Variants in TRPM8 observed in about 807,000 individuals in gnomAD.
TRPM8 encodes transient receptor potential cation channel subfamily M member 8.
In TRPM8, 110 loss-of-function variants were observed where a neutral mutation model predicts 133.7. That is an observed-to-expected ratio of 0.82 (90% CI 0.70 to 0.96). TRPM8 has a LOEUF of 0.96. Ranked by LOEUF, TRPM8 falls within the 40% of genes least tolerant of loss-of-function variation. TRPM8 has a pLI of 0.00. For synonymous variants in TRPM8, 535 were observed against 532.3 expected (o/e 1.01, Z -0.07); for missense variants, 1,291 against 1,379.5 (o/e 0.94, Z 1.02).
Position 233,966,772 on chromosome 2 carries a change from C to T in TRPM8, c.2025+17C>T. 2.6e-6 allele frequency: 4 copies of T among 1,515,712 alleles called. No homozygotes were observed. The highest frequency in any genetic ancestry group is 3.5e-6 in the Non-Finnish European group (4 of 1,127,652). The allele number at this position is 1,515,712 out of a possible 1,614,324, so 93.9% of individuals were successfully genotyped here. A position where few individuals can be genotyped will look rare whatever the true frequency, so the allele number is the denominator to read the frequency against. On this transcript the variant is annotated intron_variant, in intron 15 of 25. Transcript: ENST00000324695. ...GGGGTCCAGGTAAACCATACTCAGC[C>T]ACCAGACCACACGGCCAGAAATGGG...
At position 233,969,677 on chromosome 2, in the gene TRPM8, G is replaced by T. The variant is rs200455095; in HGVS notation, c.2026-18G>T. 208 of 1,504,764 alleles carry T rather than the reference G, an allele frequency of 1.4e-4. No homozygotes were observed. In the South Asian group the frequency reaches 2.2e-3, roughly 16 times the overall value. The allele number at this position is 1,504,764 out of a possible 1,614,324, so 93.2% of individuals were successfully genotyped here. A position where few individuals can be genotyped will look rare whatever the true frequency, so the allele number is the denominator to read the frequency against. ...TGTGTTAATAAGGACCTTGTTCTCTGTCTTTGTTTCCCTGTAGAATTTTCT... is the reference window on the plus strand; with the variant it reads ...TGTGTTAATAAGGACCTTGTTCTCTTTCTTTGTTTCCCTGTAGAATTTTCT... On this transcript the variant is annotated intron_variant, in intron 15 of 25. Transcript: ENST00000324695.
intron 1 of TRPM8, among the ~76,000 whole-genome samples, chr2:233,919,472 T>C (rs1348581300): frequency 6.6e-6 from 1 of 152,104 alleles, no homozygotes; most frequent in East Asian, 1.9e-4. Context: ...CCAGCCTGCT[T>C]GATTTTGAAT....
chr2:233,972,635 G>T (rs986978997), intron 17 of TRPM8, among the ~76,000 whole-genome samples: 6 of 152,236 alleles, frequency 3.9e-5, no homozygotes, highest in Non-Finnish European at 5.9e-5. Context: ...GCTACGGCCC[G>T]GTGAGAAATT....
chr2:233,976,825 T>C (rs147041242), intron 17 of TRPM8, among the ~76,000 whole-genome samples: 1 of 152,222 alleles, frequency 6.6e-6, no homozygotes, highest in African/African-American at 2.4e-5. Context: ...CTGTAGAACA[T>C]AGCCATGGAG....
chr2:233,994,729 A>G (rs982276450), intron 21 of TRPM8, among the ~76,000 whole-genome samples: 3 of 152,186 alleles, frequency 2.0e-5, no homozygotes, highest in Non-Finnish European at 4.4e-5. Flanking sequence ...AATGTAATGT[A>G]CTAAGGTGCA....
intron 22 of TRPM8, 139 bp downstream of exon 22, chr2:233,996,655 C>A (rs1258009000): frequency 3.0e-5 from 24 of 799,712 alleles, no homozygotes; most frequent in Non-Finnish European, 4.7e-5. Context: ...AAAGATCAGG[C>A]CTCAGGCCAA....
chr2:234,014,895 G>T (rs905723222), intron 25 of TRPM8, among the ~76,000 whole-genome samples: 2 of 152,124 alleles, frequency 1.3e-5, no homozygotes, highest in African/African-American at 4.8e-5. Flanking sequence ...TACGAGCAGG[G>T]TGTAAGTATC....
chr2:234,011,769 T>C (rs1439927952), intron 24 of TRPM8, among the ~76,000 whole-genome samples: 1 of 151,902 alleles, frequency 6.6e-6, no homozygotes, highest in African/African-American at 2.4e-5. Flanking sequence ...ACAGAAAAAT[T>C]AGCCGGGTGT....
chr2:233,955,984 C>A (rs1056756849), intron 11 of TRPM8, among the ~76,000 whole-genome samples: 7 of 152,168 alleles, frequency 4.6e-5, no homozygotes, highest in African/African-American at 1.7e-4. Flanking sequence ...GAACCTAATG[C>A]CTGATGATCT....
At chr2:233,983,906 T>G (rs183570194) in intron 20 of TRPM8, among the ~76,000 whole-genome samples, 6 of 152,302 alleles carry the variant, frequency 3.9e-5, no homozygotes, top group Non-Finnish European at 4.4e-5. Flanking sequence ...TTCTCTGTTA[T>G]CCTCCTGGCC....
In TRPM8 at chr2:233,959,324, C is replaced by CTTT. The variant is rs1375355369; in HGVS notation, c.1363-1452_1363-1451insTTT. ...TACAGGTGTGAGCCACCTCGCCCAG[C>CTTT]CTTTTTTTTTTTTTTTTTTTGAGAT... On this transcript the variant is annotated intron_variant, in intron 11 of 25. Coordinates refer to ENST00000324695, the MANE Select transcript of TRPM8 (RefSeq NM_024080.5). Among the ~76,000 whole-genome samples, 5 of 129,926 alleles carry CTTT rather than the reference C, an allele frequency of 3.8e-5. 1 individual carries two copies. Among genetic ancestry groups the CTTT allele is most frequent in the East Asian group, 2.4e-4 (1 of 4,162 alleles). The allele number at this position is 129,926 out of a possible 152,430, so 85.2% of individuals were successfully genotyped here. A position where few individuals can be genotyped will look rare whatever the true frequency, so the allele number is the denominator to read the frequency against.
chr2:233,925,371 G>T (rs1015256042), intron 1 of TRPM8, among the ~76,000 whole-genome samples: 4 of 152,180 alleles, frequency 2.6e-5, no homozygotes, highest in Non-Finnish European at 5.9e-5. Context: ...CTTGGTGCAG[G>T]TTGAAGGGGC....
chr2:233,985,134 T>C (rs1380674166), intron 20 of TRPM8, among the ~76,000 whole-genome samples: 1 of 152,026 alleles, frequency 6.6e-6, no homozygotes, highest in Non-Finnish European at 1.5e-5. Flanking sequence ...GTGCACATCT[T>C]ATTCTCCCAT....
At chr2:233,930,848 TC>T in intron 3 of TRPM8, 107 bp downstream of exon 3, 1 of 702,932 alleles carries the variant, frequency 1.4e-6, no homozygotes, top group Non-Finnish European at 2.4e-6. Context: ...GATGTCTTCG[TC>T]TTATAATTCT....
chr2:233,950,689 AGAG>A (rs767113251), intron 9 of TRPM8, among the ~76,000 whole-genome samples: 7 of 152,220 alleles, frequency 4.6e-5, no homozygotes, highest in Non-Finnish European at 5.9e-5. Context: ...AAGCCCAGTG[AGAG>A]GAGAAGGAGA....
At chr2:233,970,563 G>T in intron 17 of TRPM8, 137 bp downstream of exon 17, 1 of 793,816 alleles carries the variant, frequency 1.3e-6, no homozygotes, top group East Asian at 2.5e-5. Flanking sequence ...TTGGGTGCTA[G>T]TCCATGAGTG....
At position 233,945,826 on chromosome 2, in the gene TRPM8, C is replaced by T. The variant is rs953107944; in HGVS notation, c.700-30C>T. ...CATGTATCTTGACTGATAATACAAT[C>T]TCAAAGACAAGTTTCCCTGTACTTT... is the stretch of plus-strand genomic sequence containing the variant. On this transcript the variant is annotated intron_variant, in intron 6 of 25. Transcript: ENST00000324695. 3 of 1,590,494 alleles carry T rather than the reference C, an allele frequency of 1.9e-6. No individual in the cohort carries two copies. The African/African-American group carries it at 4.0e-5, about 21-fold the overall frequency.
intron 3 of TRPM8, among the ~76,000 whole-genome samples, chr2:233,936,616 C>T (rs910694706): frequency 2.0e-4 from 31 of 152,306 alleles, no homozygotes; most frequent in African/African-American, 7.5e-4. Flanking sequence ...GATGTCTCAC[C>T]TCACTTCAGA....
At chr2:233,956,573 A>G (rs1202683973) in intron 11 of TRPM8, among the ~76,000 whole-genome samples, 1 of 152,198 alleles carries the variant, frequency 6.6e-6, no homozygotes, top group East Asian at 1.9e-4. Flanking sequence ...TTATACATGT[A>G]TGTATAGATT....
Sources: allele counts gnomAD v4.1 joint callset (sites outside exome capture counted in the v4.1 genomes callset), GRCh38; gene constraint gnomAD v4.1.1; transcripts MANE v1.5; gene names NCBI Gene and HGNC (gene_info 2026-07-23, HGNC 2026-07-21).